BBS9: variants seen among roughly 807,000 people sequenced by gnomAD.
The protein encoded by BBS9 is protein PTHB1.
Under a neutral mutation model 117.7 loss-of-function variants are expected in BBS9, and 89 were observed. The observed-to-expected ratio is 0.76, with a 90% confidence interval of 0.64 to 0.90. BBS9 has a LOEUF of 0.90. Among genes scored for constraint, BBS9 ranks in the 40% least tolerant of loss-of-function variants. BBS9 has a pLI of 0.00. For missense variants in BBS9, 982 were observed against 1,042.2 expected, an observed-to-expected ratio of 0.94 and a Z score of 0.80; for synonymous variants, 379 against 370.9, an observed-to-expected ratio of 1.02 and a Z score of -0.25.
chr7:33,516,156 C>A (rs142899814), intron 20 of BBS9, among the ~76,000 whole-genome samples: 267 of 152,252 alleles, frequency 1.8e-3, no homozygotes, highest in Non-Finnish European at 3.0e-3. Flanking sequence ...GTATAAGACA[C>A]AACCCTACTT....
At chr7:33,327,737 A>G (rs935566044) in intron 9 of BBS9, among the ~76,000 whole-genome samples, 5 of 152,092 alleles carry the variant, frequency 3.3e-5, no homozygotes, top group Admixed American at 1.3e-4. Flanking sequence ...TCATGCATGC[A>G]GTAGTGTACT....
intron 21 of BBS9, among the ~76,000 whole-genome samples, chr7:33,564,561 G>T (rs1856571451): frequency 6.6e-6 from 1 of 152,084 alleles, no homozygotes. Flanking sequence ...AATTCACGAT[G>T]ACTTTTCGTT....
At chr7:33,429,832 C>T (rs940327938) in intron 19 of BBS9, among the ~76,000 whole-genome samples, 1 of 152,044 alleles carries the variant, frequency 6.6e-6, no homozygotes, top group Admixed American at 6.6e-5. Context: ...AGGAGAATAA[C>T]TTTACTTGCC....
chr7:33,251,030 T>G lies in BBS9; in HGVS notation c.443-6206T>G, dbSNP rs537205763. Among the ~76,000 whole-genome samples, 5 of 152,266 alleles carry G rather than the reference T, an allele frequency of 3.3e-5. No individual in the cohort carries two copies. In the South Asian group the frequency reaches 1.0e-3, roughly 32 times the overall value. On this transcript the variant is annotated intron_variant, in intron 5 of 22. Transcript: ENST00000242067. ...GAAGACTTATGGAAAGATGTGAGTCTTAGCTTGTGATGTCTCTCAGAGGAA... is the reference window on the plus strand; with the variant it reads ...GAAGACTTATGGAAAGATGTGAGTCGTAGCTTGTGATGTCTCTCAGAGGAA...
At position 33,533,942 on chromosome 7, in the gene BBS9, T is replaced by C. The variant is rs1850972074; in HGVS notation, c.2299-12T>C. The C allele has an allele frequency of 6.2e-7, 1 of 1,614,088 alleles. No homozygotes were observed. Among genetic ancestry groups the C allele is most frequent in the South Asian group, 1.1e-5 (1 of 91,080 alleles). On this transcript the variant is annotated splice_polypyrimidine_tract_variant and intron_variant, in intron 20 of 22. Coordinates refer to ENST00000242067, the MANE Select transcript of BBS9 (RefSeq NM_198428.3). The stretch of plus-strand genomic sequence containing the variant: ...ATCTTTGTATTAATTCAAAATTGGC[T>C]TTTGTATCCAGGGCTGGGAAGAAAC...
intron 21 of BBS9, among the ~76,000 whole-genome samples, chr7:33,577,585 A>G (rs891997081): frequency 2.0e-5 from 3 of 152,234 alleles, no homozygotes; most frequent in African/African-American, 4.8e-5. Flanking sequence ...TCATGCTACT[A>G]TAAAGACACA....
intron 5 of BBS9, among the ~76,000 whole-genome samples, chr7:33,184,980 C>T (rs1053319919): frequency 2.0e-5 from 3 of 152,204 alleles, no homozygotes; most frequent in Non-Finnish European, 4.4e-5. Flanking sequence ...TTCCCCAGAA[C>T]TGAGGTTTCC....
At chr7:33,224,519 G>A (rs377710691) in intron 5 of BBS9, among the ~76,000 whole-genome samples, 6 of 152,286 alleles carry the variant, frequency 3.9e-5, no homozygotes, top group African/African-American at 4.8e-5. Flanking sequence ...TAATGTGTTA[G>A]TAACACCAAA....
In BBS9 at chr7:33,414,919, A is replaced by G. The variant is rs896411671; in HGVS notation, c.2115+26775A>G. Among the ~76,000 whole-genome samples the G allele has an allele frequency of 3.3e-5, 5 of 152,182 alleles. No homozygotes were observed. In the East Asian group the frequency reaches 5.8e-4, roughly 18 times the overall value. ...ACTATTTGGAAAAATTATAATAACT[A>G]GGGTAGTGGTTTTCACATTTTTTTA... is the stretch of plus-strand genomic sequence containing the variant. On this transcript the variant is annotated intron_variant, in intron 19 of 22. Transcript: ENST00000242067.
intron 20 of BBS9, among the ~76,000 whole-genome samples, chr7:33,508,420 C>T (rs1846445927): frequency 6.6e-6 from 1 of 152,206 alleles, no homozygotes; most frequent in Non-Finnish European, 1.5e-5. Context: ...TGGAAAGCCT[C>T]TCAGGGCTAC....
At chr7:33,149,140 G>A (rs1792895886) in intron 2 of BBS9, among the ~76,000 whole-genome samples, 1 of 152,154 alleles carries the variant, frequency 6.6e-6, no homozygotes, top group African/African-American at 2.4e-5. Flanking sequence ...AAGGGAAGTG[G>A]GAAAAATTCA....
rs544863976 is a variant in BBS9 at position 33,450,351 on chromosome 7, C to G, written c.2116-55112C>G. 2.0e-5 allele frequency among the ~76,000 whole-genome samples: 3 copies of G among 152,270 alleles called. No individual in the cohort carries two copies. In the East Asian group the frequency reaches 5.8e-4, roughly 29 times the overall value. On this transcript the variant is annotated intron_variant, in intron 19 of 22. Transcript: ENST00000242067. ...AATGAACATGAATGTGCCAATATCT[C>G]TTTGAGATCTTGTTTTTGATTCTTT...
intron 21 of BBS9, 35 bp from the exon 22 acceptor site, chr7:33,604,830 C>T: frequency 6.8e-7 from 1 of 1,465,844 alleles, no homozygotes. Context: ...TTTTCTTACA[C>T]ATTGCTTAAA....
chr7:33,532,256 A>G (rs1563316288), intron 20 of BBS9, among the ~76,000 whole-genome samples: 1 of 152,214 alleles, frequency 6.6e-6, no homozygotes, highest in Non-Finnish European at 1.5e-5. Context: ...TAAGGGAGAG[A>G]CAGTGTGGGT....
intron 19 of BBS9, among the ~76,000 whole-genome samples, chr7:33,440,416 G>C (rs1304329274): frequency 1.3e-5 from 2 of 152,076 alleles, no homozygotes; most frequent in Admixed American, 1.3e-4. Context: ...CTAAAGAAAG[G>C]GTAGTTTTAA....
At chr7:33,333,527 T>C (rs1814600976) in intron 9 of BBS9, among the ~76,000 whole-genome samples, 3 of 152,160 alleles carry the variant, frequency 2.0e-5, no homozygotes, top group Admixed American at 2.0e-4. Flanking sequence ...GATTTTTTTT[T>C]CTTCAGCCAA....
chr7:33,197,952 C>A (rs1175113300), intron 5 of BBS9, among the ~76,000 whole-genome samples: 1 of 151,834 alleles, frequency 6.6e-6, no homozygotes, highest in Non-Finnish European at 1.5e-5. Context: ...AAATTTGTAT[C>A]TTCAGTATTT....
In BBS9 at chr7:33,472,686, A is replaced by C. The variant is rs1373830473; in HGVS notation, c.2116-32777A>C. ...AGAGTTTATAGTTGAAATTAATGGC[A>C]TATTTAATTGTGTAAGCTATTTGGG... On this transcript the variant is annotated intron_variant, in intron 19 of 22. Transcript: ENST00000242067. Among the ~76,000 whole-genome samples the C allele has an allele frequency of 3.3e-5, 5 of 152,200 alleles. No homozygotes were observed. In the East Asian group the frequency reaches 9.6e-4, roughly 29 times the overall value.
At chr7:33,268,179 C>G (rs1340203092) in intron 7 of BBS9, among the ~76,000 whole-genome samples, 1 of 152,212 alleles carries the variant, frequency 6.6e-6, no homozygotes, top group African/African-American at 2.4e-5. Flanking sequence ...GCACTGTTAT[C>G]TCTAATCTTT....
Sources: allele counts gnomAD v4.1 joint callset (sites outside exome capture counted in the v4.1 genomes callset), GRCh38; gene constraint gnomAD v4.1.1; transcripts MANE v1.5; gene names NCBI Gene and HGNC (gene_info 2026-07-23, HGNC 2026-07-21).